The following BAZ2B variants were observed in gnomAD, a reference collection of about 807,000 sequenced individuals.
BAZ2B encodes bromodomain adjacent to zinc finger domain 2B, also known as bromodomain adjacent to zinc finger domain protein 2B.
A neutral mutation model predicts 246.0 loss-of-function variants in BAZ2B; 91 were observed. The ratio of observed to expected loss-of-function variants is 0.37; its 90% CI spans 0.31 to 0.44. The LOEUF (loss-of-function observed/expected upper bound fraction) is 0.44. BAZ2B is among the 20% of genes least tolerant of loss of function. BAZ2B has a pLI of 1.00. For missense variants in BAZ2B, 2,332 were observed against 2,533.7 expected (o/e 0.92, Z 1.71); for synonymous variants, 855 against 860.0 (o/e 0.99, Z 0.10).
rs375885974 is a variant in BAZ2B at position 159,514,968 on chromosome 2, T to A, written c.-2-36247A>T. 1.7e-4 allele frequency among the ~76,000 whole-genome samples: 26 copies of A among 152,206 alleles called. No homozygotes were observed. The East Asian group carries it at 3.1e-3, about 18-fold the overall frequency. ...TAATTTATATCAAAAATTACTGAGTTACCTAAAATAACCCTGATAAGCATT... is the reference window on the plus strand; with the variant it reads ...TAATTTATATCAAAAATTACTGAGTAACCTAAAATAACCCTGATAAGCATT... On this transcript the variant is annotated intron_variant, in intron 2 of 36. Transcript: ENST00000392783.
chr2:159,416,315 C>A (rs902395012), intron 13 of BAZ2B, among the ~76,000 whole-genome samples: 7 of 152,044 alleles, frequency 4.6e-5, no homozygotes, highest in African/African-American at 1.2e-4. Flanking sequence ...AATAGTTGTA[C>A]AAAGTGTACT....
the BAZ2B span, among the ~76,000 whole-genome samples, chr2:159,659,382 TG>T: frequency 6.6e-6 from 1 of 152,216 alleles, no homozygotes; most frequent in South Asian, 2.1e-4. Context: ...TTTTACTTTT[TG>T]CCAGATGCTC....
At chr2:159,602,537 T>C (rs943234303) in intron 1 of BAZ2B, among the ~76,000 whole-genome samples, 107 of 152,354 alleles carry the variant, frequency 7.0e-4, no homozygotes, top group African/African-American at 2.2e-3. Flanking sequence ...GTTATTTACA[T>C]CTATAGTATG....
At chr2:159,708,067 T>C in the BAZ2B span, among the ~76,000 whole-genome samples, 1 of 152,072 alleles carries the variant, frequency 6.6e-6, no homozygotes, top group Non-Finnish European at 1.5e-5. Context: ...TTCCAGTACT[T>C]TGGGAGGCCG....
At chr2:159,448,971 T>C (rs1477065831) in intron 4 of BAZ2B, among the ~76,000 whole-genome samples, 1 of 152,150 alleles carries the variant, frequency 6.6e-6, no homozygotes, top group Non-Finnish European at 1.5e-5. Flanking sequence ...TTTTATGTTC[T>C]AAAAAATAAG....
chr2:159,405,401 G>A (rs1416911588), intron 14 of BAZ2B, among the ~76,000 whole-genome samples: 1 of 152,010 alleles, frequency 6.6e-6, no homozygotes, highest in Non-Finnish European at 1.5e-5. Context: ...TAGTAGAGAT[G>A]GGGTTTCACC....
intron 34 of BAZ2B, among the ~76,000 whole-genome samples, 196 bp from the exon 35 acceptor site, chr2:159,326,114 T>A (rs962741118): frequency 6.6e-6 from 1 of 152,110 alleles, no homozygotes; most frequent in Non-Finnish European, 1.5e-5. Flanking sequence ...TAATAAAACA[T>A]GAAAAGTCTA....
intron 30 of BAZ2B, among the ~76,000 whole-genome samples, chr2:159,348,082 G>A (rs1050422163): frequency 6.6e-6 from 1 of 152,030 alleles, no homozygotes; most frequent in African/African-American, 2.4e-5. Flanking sequence ...ACTTTGGGAA[G>A]CTGAGGTGAG....
chr2:159,558,522 A>G (rs929401282), intron 1 of BAZ2B, among the ~76,000 whole-genome samples: 13 of 152,130 alleles, frequency 8.5e-5, no homozygotes, highest in Non-Finnish European at 1.5e-4. Context: ...GGCCTCCCAA[A>G]GTGCTGAGAT....
chr2:159,355,902 C>T (rs2059061732), intron 27 of BAZ2B, among the ~76,000 whole-genome samples: 1 of 152,188 alleles, frequency 6.6e-6, no homozygotes, highest in Non-Finnish European at 1.5e-5. Flanking sequence ...AACTCCCTCT[C>T]CTAGCCAAGG....
At chr2:159,589,292 A>G (rs1227744488) in intron 1 of BAZ2B, among the ~76,000 whole-genome samples, 6 of 152,178 alleles carry the variant, frequency 3.9e-5, no homozygotes. Flanking sequence ...TGGGTCTACA[A>G]TGAAGTAGAT....
rs1696123079 is a variant in BAZ2B, at chr2:159,616,475, T to C, written c.-279A>G. The C allele has an allele frequency of 2.0e-5, 3 of 152,316 alleles. No homozygotes were observed. Among genetic ancestry groups the C allele is most frequent in the South Asian group, 4.1e-4 (2 of 4,830 alleles). 9.4% of individuals were successfully genotyped at this position (152,316 alleles called of 1,614,324 possible). On this transcript the variant is annotated 5_prime_UTR_variant, in exon 1 of 37. Transcript: ENST00000392783. ...TGATTAGTTCCTATCCAGCAGCAGA[T>C]TGAAGCAGGAGATGATTCTTCTCAA...
At chr2:159,690,925 T>C in the BAZ2B span, among the ~76,000 whole-genome samples, 168 of 152,310 alleles carry the variant, frequency 1.1e-3, no homozygotes, top group African/African-American at 3.9e-3. Context: ...TGATGAATAA[T>C]AGCGTAATTA....
At chr2:159,611,134 A>G (rs1034196859) in intron 1 of BAZ2B, among the ~76,000 whole-genome samples, 22 of 152,116 alleles carry the variant, frequency 1.4e-4, no homozygotes, top group Non-Finnish European at 2.7e-4. Context: ...AACTTTTAAA[A>G]TGACCTTTCT....
intron 33 of BAZ2B, among the ~76,000 whole-genome samples, chr2:159,333,955 C>T (rs1260350862): frequency 6.6e-6 from 1 of 152,062 alleles, no homozygotes; most frequent in Non-Finnish European, 1.5e-5. Flanking sequence ...TTGACCTTTC[C>T]TAACATCACC....
intron 2 of BAZ2B, among the ~76,000 whole-genome samples, chr2:159,519,904 C>T (rs1559680671): frequency 6.6e-6 from 1 of 151,268 alleles, no homozygotes; most frequent in Non-Finnish European, 1.5e-5. Context: ...AGCTGGGAGT[C>T]CAATCTATGA....
intron 4 of BAZ2B, among the ~76,000 whole-genome samples, chr2:159,449,019 T>A (rs1376531755): frequency 6.6e-6 from 1 of 152,168 alleles, no homozygotes; most frequent in Non-Finnish European, 1.5e-5. Context: ...AATTTCACAT[T>A]AAAATATTAA....
intron 2 of BAZ2B, among the ~76,000 whole-genome samples, chr2:159,532,499 A>G (rs756391231): frequency 6.6e-5 from 10 of 152,242 alleles, no homozygotes; most frequent in Non-Finnish European, 1.5e-4. Context: ...AACTGCGGAA[A>G]TAATAAATGC....
intron 2 of BAZ2B, among the ~76,000 whole-genome samples, chr2:159,491,174 C>T (rs2080411246): frequency 6.6e-6 from 1 of 152,152 alleles, no homozygotes; most frequent in Non-Finnish European, 1.5e-5. Flanking sequence ...TCAACACTCA[C>T]TAATGTATGT....
Sources: allele counts gnomAD v4.1 joint callset (sites outside exome capture counted in the v4.1 genomes callset), GRCh38; gene constraint gnomAD v4.1.1; transcripts MANE v1.5; gene names NCBI Gene and HGNC (gene_info 2026-07-23, HGNC 2026-07-21).